DCAKD: variants seen among roughly 807,000 people sequenced by gnomAD.
The protein encoded by DCAKD is dephospho-CoA kinase domain containing.
In DCAKD, 15 loss-of-function variants were observed where a neutral mutation model predicts 18.7. The ratio of observed to expected loss-of-function variants is 0.80; its 90% CI spans 0.54 to 1.24. The LOEUF (loss-of-function observed/expected upper bound fraction) is 1.24. DCAKD is among the 50% of genes most tolerant of loss of function. The pLI, the probability that DCAKD is intolerant of heterozygous loss-of-function variation, is 0.00. For missense variants in DCAKD, 301 were observed against 322.0 expected (o/e 0.93, Z 0.50); for synonymous variants, 130 against 133.0 (o/e 0.98, Z 0.16).
intron 1 of DCAKD, among the ~76,000 whole-genome samples, chr17:45,046,117 T>C (rs1195329380): frequency 6.6e-6 from 1 of 152,054 alleles, no homozygotes; most frequent in Non-Finnish European, 1.5e-5. Context: ...CGTGAGCCAC[T>C]GTGCCTGGCA....
chr17:45,033,334 T>A (rs2053213069), intron 3 of DCAKD, among the ~76,000 whole-genome samples: 1 of 152,214 alleles, frequency 6.6e-6, no homozygotes, highest in Admixed American at 6.5e-5. Flanking sequence ...CCTTCCCAAT[T>A]TCCAGTCTAC....
rs201650258 is a variant in DCAKD, at chr17:45,024,612, G to A, written c.517C>T (p.Arg173Cys). 3.5e-5 allele frequency: 56 copies of A among 1,613,884 alleles called. 1 individual carries two copies. The highest frequency in any genetic ancestry group is 1.9e-4 in the South Asian group (17 of 91,082). ...TCGCCCGAGTTGTCTAGGACATGGC[G>A]GGCCATGCGGGCCTTGTCTGTCAGG... ...LPLTDKARMA[R>C]HVLDNSGEWS... is the part of the protein sequence containing the mutation. Residue 173 changes from arginine to cysteine, a missense_variant, in exon 5 of 5, where the codon CGC (arginine) becomes TGC (cysteine). Physicochemically the swap from Arg to Cys is radical, Grantham distance 180. Transcript: ENST00000651974.
chr17:45,046,622 A>G (rs547350668), intron 1 of DCAKD, among the ~76,000 whole-genome samples: 1 of 150,752 alleles, frequency 6.6e-6, no homozygotes, highest in African/African-American at 2.4e-5. Context: ...TCTCAAAAAA[A>G]AAAAAAAAAA....
At chr17:45,048,220 C>T (rs1188269809) in intron 1 of DCAKD, among the ~76,000 whole-genome samples, 2 of 150,572 alleles carry the variant, frequency 1.3e-5, no homozygotes, top group African/African-American at 2.5e-5. Context: ...GAGACTCTGT[C>T]TCTACAAAAA....
In DCAKD at chr17:45,024,734, G is replaced by C; in HGVS notation, c.405-10C>G. On this transcript the variant is annotated splice_polypyrimidine_tract_variant and intron_variant, in intron 4 of 4. Transcript: ENST00000651974. The stretch of plus-strand genomic sequence containing the variant: ...CTGTGTGTCCCGGTCGCTAAGGATA[G>C]GGCAAAAGGGCACTGTAGGTCCTGC... 1 of 1,551,942 alleles carries C rather than the reference G, an allele frequency of 6.4e-7. No homozygotes were observed. Among genetic ancestry groups the C allele is most frequent in the Non-Finnish European group, 8.7e-7 (1 of 1,145,782 alleles).
upstream of DCAKD, among the ~76,000 whole-genome samples, chr17:45,052,776 T>C (rs1329847286): frequency 6.6e-6 from 1 of 151,614 alleles, no homozygotes; most frequent in Non-Finnish European, 1.5e-5. Context: ...GGCAGGAGGA[T>C]GGCTTGAGCC....
chr17:45,035,125 G>C, intron 1 of DCAKD, 126 bp from the exon 2 acceptor site: 1 of 493,946 alleles, frequency 2.0e-6, no homozygotes, highest in Non-Finnish European at 3.7e-6. Context: ...GGTGCTCTGG[G>C]GCCATCTGGA....
rs900593657 is a variant in DCAKD, at chr17:45,030,283, G to T, written c.317-104C>A. ...TCCAGAGCGCCCAGCAGAGGGGCAG[G>T]CCTTCCAAGGACACACATACCCTGC... On this transcript the variant is annotated intron_variant, in intron 3 of 4. Transcript: ENST00000651974. The T allele has an allele frequency of 6.2e-6, 6 of 974,524 alleles. No homozygotes were observed. The African/African-American group carries it at 9.6e-5, about 16-fold the overall frequency. 60.4% of individuals were successfully genotyped at this position (974,524 alleles called of 1,614,324 possible). A position where few individuals can be genotyped will look rare whatever the true frequency, so the allele number is the denominator to read the frequency against.
intron 1 of DCAKD, among the ~76,000 whole-genome samples, chr17:45,058,999 G>A (rs749716057): frequency 7.4e-4 from 113 of 152,170 alleles, no homozygotes; most frequent in Non-Finnish European, 1.3e-3. Context: ...CCAGCACTTT[G>A]GGAGGCCGAG....
intron 1 of DCAKD, among the ~76,000 whole-genome samples, chr17:45,043,433 C>T (rs1386221369): frequency 6.6e-6 from 1 of 152,154 alleles, no homozygotes; most frequent in Non-Finnish European, 1.5e-5. Flanking sequence ...TGTATGTCCG[C>T]CACTTGAACC....
At chr17:45,038,558 C>T (rs1460724754) in intron 1 of DCAKD, among the ~76,000 whole-genome samples, 1 of 152,194 alleles carries the variant, frequency 6.6e-6, no homozygotes, top group Non-Finnish European at 1.5e-5. Flanking sequence ...GAAGATGAAT[C>T]TGTTTGTAGG....
At chr17:45,038,025 T>C (rs886810191) in intron 1 of DCAKD, among the ~76,000 whole-genome samples, 4 of 151,920 alleles carry the variant, frequency 2.6e-5, no homozygotes, top group Non-Finnish European at 5.9e-5. Context: ...CACCTCGGCC[T>C]CCCAAAGTGC....
intron 1 of DCAKD, among the ~76,000 whole-genome samples, chr17:45,057,737 G>C (rs1297717132): frequency 6.6e-6 from 1 of 150,770 alleles, no homozygotes; most frequent in Non-Finnish European, 1.5e-5. Flanking sequence ...CAGGCCAGGT[G>C]CAGTGTCTCA....
At chr17:45,031,916 T>A in intron 3 of DCAKD, 1 of 985,458 alleles carries the variant, frequency 1.0e-6, no homozygotes, top group Non-Finnish European at 1.2e-6. Context: ...ACTGGGACTG[T>A]GGAAGCCACA....
At chr17:45,044,622 G>A (rs750266786) in intron 1 of DCAKD, among the ~76,000 whole-genome samples, 3 of 152,028 alleles carry the variant, frequency 2.0e-5, no homozygotes, top group Non-Finnish European at 4.4e-5. Context: ...AACCTAGAAG[G>A]CAGAGGTTGC....
chr17:45,034,155 C>G, intron 3 of DCAKD, 32 bp downstream of exon 3: 2 of 1,477,280 alleles, frequency 1.4e-6, no homozygotes, highest in African/African-American at 1.4e-5. Flanking sequence ...TGGAAGGAGG[C>G]CCCGCCCCCC....
At chr17:45,050,140 A>G (rs550927057) in intron 1 of DCAKD, among the ~76,000 whole-genome samples, 2 of 152,086 alleles carry the variant, frequency 1.3e-5, no homozygotes, top group African/African-American at 4.8e-5. Context: ...TCCCGGGTTC[A>G]AGCGATTTTT....
At chr17:45,029,473 A>G (rs1342173780) in intron 4 of DCAKD, among the ~76,000 whole-genome samples, 3 of 151,848 alleles carry the variant, frequency 2.0e-5, no homozygotes, top group African/African-American at 7.3e-5. Flanking sequence ...GGACTCATCT[A>G]CTTTCACCCC....
At chr17:45,048,665 G>T (rs2143366095) in intron 1 of DCAKD, among the ~76,000 whole-genome samples, 1 of 149,890 alleles carries the variant, frequency 6.7e-6, no homozygotes, top group Middle Eastern at 3.5e-3. Flanking sequence ...AATTAGCCAG[G>T]CGTGGTGGCA....
Sources: gnomAD v4.1 joint callset for allele counts (sites outside exome capture counted in the v4.1 genomes callset) on GRCh38, gnomAD v4.1.1 for gene constraint, MANE v1.5 for transcripts, NCBI Gene and HGNC (gene_info 2026-07-23, HGNC 2026-07-21) for gene names.